Variants in ERC2 observed in about 807,000 individuals in gnomAD.
ERC2 encodes the protein ELKS/RAB6-interacting/CAST family member 2.
ERC2 carries 42 observed loss-of-function variants against 114.8 expected under a neutral mutation model. The observed-to-expected ratio is 0.37, with a 90% confidence interval of 0.29 to 0.47. The LOEUF (loss-of-function observed/expected upper bound fraction) is 0.47, where lower values mean the gene tolerates loss of function less well. ERC2 is among the 20% of genes least tolerant of loss of function. The pLI is 0.99. For missense variants in ERC2, 939 were observed against 1,150.7 expected, an observed-to-expected ratio of 0.82 and a Z score of 2.66; for synonymous variants, 454 against 425.5, an observed-to-expected ratio of 1.07 and a Z score of -0.82.
chr3:56,308,973 C>T (rs1475795742), intron 2 of ERC2, among the ~76,000 whole-genome samples: 3 of 152,064 alleles, frequency 2.0e-5, no homozygotes, highest in East Asian at 3.8e-4. Flanking sequence ...TTCTCTGATC[C>T]CTTTCTCTGT....
At chr3:55,545,781 G>A (rs910365005) in intron 17 of ERC2, among the ~76,000 whole-genome samples, 4 of 152,126 alleles carry the variant, frequency 2.6e-5, no homozygotes, top group Non-Finnish European at 5.9e-5. Context: ...GTACCCACTG[G>A]GCCGGGTCCT....
At chr3:55,879,117 G>T (rs533256119) in intron 14 of ERC2, among the ~76,000 whole-genome samples, 16 of 10,412 alleles carry the variant, frequency 1.5e-3, no homozygotes, top group East Asian at 2.9e-3. Flanking sequence ...TTTTGGCAGA[G>T]TTTCTGCATT....
intron 9 of ERC2, 86 bp downstream of exon 9, chr3:56,010,363 C>T (rs1192430499): frequency 1.4e-6 from 2 of 1,462,808 alleles, no homozygotes; most frequent in Middle Eastern, 2.3e-4. Flanking sequence ...ACAGTGCCTC[C>T]TACTAAGTCT....
At chr3:56,401,716 G>T (rs749133513) in intron 2 of ERC2, among the ~76,000 whole-genome samples, 20 of 152,168 alleles carry the variant, frequency 1.3e-4, no homozygotes, top group Non-Finnish European at 1.9e-4. Context: ...GCCCAGGAGG[G>T]TTCTTGCCTT....
At chr3:55,687,949 T>G (rs1193593139) in intron 16 of ERC2, among the ~76,000 whole-genome samples, 1 of 152,240 alleles carries the variant, frequency 6.6e-6, no homozygotes, top group Non-Finnish European at 1.5e-5. Context: ...GGTTTTCTGC[T>G]AAGGTCAAGT....
intron 6 of ERC2, among the ~76,000 whole-genome samples, chr3:56,138,644 G>T (rs2080664711): frequency 1.3e-5 from 2 of 152,182 alleles, no homozygotes; most frequent in African/African-American, 4.8e-5. Flanking sequence ...CAAAGACACA[G>T]CTCAAAGAGC....
chr3:56,080,435 G>A (rs1443282850), intron 7 of ERC2, among the ~76,000 whole-genome samples: 2 of 152,086 alleles, frequency 1.3e-5, no homozygotes, highest in African/African-American at 2.4e-5. Flanking sequence ...ATCTACTACA[G>A]TTTATGTGAC....
rs112210664 is a variant in ERC2 at position 56,155,506 on chromosome 3, C to G, written c.1150-6374G>C. Among the ~76,000 whole-genome samples, 392 of 152,128 alleles carry G rather than the reference C, an allele frequency of 2.6e-3. 2 individuals are homozygous for G. The highest frequency in any genetic ancestry group is 9.1e-3 in the African/African-American group (377 of 41,510). ...AGCTACATTTGAACCATCCACTCTCCAGAATACCAAATATGAGAGTAAGTT... is the reference window on the plus strand; with the variant it reads ...AGCTACATTTGAACCATCCACTCTCGAGAATACCAAATATGAGAGTAAGTT... On this transcript the variant is annotated intron_variant, in intron 4 of 17. Transcript: ENST00000288221.
At chr3:55,593,716 A>C (rs371682941) in intron 17 of ERC2, among the ~76,000 whole-genome samples, 2 of 151,704 alleles carry the variant, frequency 1.3e-5, no homozygotes, top group African/African-American at 4.8e-5. Flanking sequence ...TACTTCTCCC[A>C]TTTCCTCCAG....
chr3:55,640,344 C>T (rs977477795), intron 17 of ERC2, among the ~76,000 whole-genome samples: 2 of 152,174 alleles, frequency 1.3e-5, no homozygotes, highest in Non-Finnish European at 2.9e-5. Context: ...ATATTATTGC[C>T]TTCTCTGCCA....
chr3:55,687,819 G>C (rs900803003), intron 16 of ERC2, among the ~76,000 whole-genome samples: 6 of 152,206 alleles, frequency 3.9e-5, no homozygotes, highest in African/African-American at 1.4e-4. Context: ...GATGCTGTTA[G>C]CATTTCCAAC....
intron 7 of ERC2, among the ~76,000 whole-genome samples, chr3:56,021,751 G>A (rs148210487): frequency 5.9e-5 from 9 of 152,196 alleles, no homozygotes; most frequent in Admixed American, 1.3e-4. Context: ...GGACCCCAGC[G>A]TCTGTTGTTC....
In ERC2 at chr3:56,287,129, T is replaced by C. The variant is rs181913297; in HGVS notation, c.1074+8890A>G. Among the ~76,000 whole-genome samples, 28 of 152,246 alleles carry C rather than the reference T, an allele frequency of 1.8e-4. 1 individual carries two copies. The highest frequency in any genetic ancestry group is 2.4e-4 in the Non-Finnish European group (16 of 68,022). On this transcript the variant is annotated intron_variant, in intron 3 of 17. Coordinates refer to ENST00000288221, the MANE Select transcript of ERC2 (RefSeq NM_015576.3). The stretch of plus-strand genomic sequence containing the variant: ...ATCTGAGCCAAGGTGGAAGGGAAAG[T>C]AGATTTTACCAAATTAGAAGAGCAA...
rs149311083 is a variant in ERC2, at chr3:55,926,194, T to G, written c.2403+24231A>C. On this transcript the variant is annotated intron_variant, in intron 13 of 17. Transcript: ENST00000288221. Reference sequence around the variant, plus strand: ...GAAAATGACATGGAATTGTTGAAGATTTGAAGCACTACCAGTCATGGGTAA... The same window carrying G: ...GAAAATGACATGGAATTGTTGAAGAGTTGAAGCACTACCAGTCATGGGTAA... Among the ~76,000 whole-genome samples the G allele has an allele frequency of 7.2e-4, 110 of 152,244 alleles. 1 individual carries two copies. The South Asian group carries it at 7.3e-3, about 10-fold the overall frequency.
At chr3:56,314,381 T>C (rs2056765991) in intron 2 of ERC2, among the ~76,000 whole-genome samples, 1 of 152,054 alleles carries the variant, frequency 6.6e-6, no homozygotes, top group South Asian at 2.1e-4. Flanking sequence ...GCCTGAAACT[T>C]AGTAAGTACC....
At chr3:56,350,295 C>T (rs1300622631) in intron 2 of ERC2, among the ~76,000 whole-genome samples, 1 of 152,238 alleles carries the variant, frequency 6.6e-6, no homozygotes. Flanking sequence ...GCTGGCCTAT[C>T]TAAAATCTGC....
At chr3:55,539,477 C>T (rs1245453854) in intron 17 of ERC2, among the ~76,000 whole-genome samples, 1 of 115,080 alleles carries the variant, frequency 8.7e-6, no homozygotes, top group Non-Finnish European at 1.7e-5. Flanking sequence ...GACTGGAGTG[C>T]AGTGGTGCGA....
chr3:56,039,641 A>G (rs961773686), intron 7 of ERC2, among the ~76,000 whole-genome samples: 3 of 152,116 alleles, frequency 2.0e-5, no homozygotes, highest in Non-Finnish European at 2.9e-5. Flanking sequence ...AAATAGAAAA[A>G]AAAATCCTAA....
chr3:56,182,024 C>A (rs755164603), intron 3 of ERC2, among the ~76,000 whole-genome samples: 3 of 152,194 alleles, frequency 2.0e-5, no homozygotes, highest in African/African-American at 2.4e-5. Context: ...AAATTCCTGA[C>A]CTACAGAGTC....
Sources: gnomAD v4.1 joint callset for allele counts (sites outside exome capture counted in the v4.1 genomes callset) on GRCh38, gnomAD v4.1.1 for gene constraint, MANE v1.5 for transcripts, NCBI Gene and HGNC (gene_info 2026-07-23, HGNC 2026-07-21) for gene names.